Variants in DAB1 observed in about 807,000 individuals in gnomAD.
DAB1 encodes disabled homolog 1.
In DAB1, 15 loss-of-function variants were observed where a neutral mutation model predicts 64.6. The observed-to-expected ratio is 0.23, with a 90% CI of 0.16 to 0.36. DAB1 has a LOEUF of 0.36. DAB1 is among the 10% of genes least tolerant of loss of function. The probability of loss-of-function intolerance (pLI) is 1.00; values close to 1 mark genes in which losing one functional copy is unlikely to be tolerated. For synonymous variants in DAB1, 235 were observed against 251.9 expected (o/e 0.93, Z 0.64); for missense variants, 596 against 706.7 (o/e 0.84, Z 1.78).
At chr1:58,536,711 A>G (rs371362473) in intron 1 of DAB1, 3 of 872,704 alleles carry the variant, frequency 3.4e-6, no homozygotes, top group Non-Finnish European at 6.0e-6. Flanking sequence ...TCTTGTTAGG[A>G]GGAAGTGCCT....
chr1:58,242,421 C>A (rs1660338968), intron 4 of DAB1, among the ~76,000 whole-genome samples: 1 of 151,880 alleles, frequency 6.6e-6, no homozygotes, highest in African/African-American at 2.4e-5. Context: ...AGTAAGCTGC[C>A]TACATAATAA....
At chr1:57,377,246 G>C (rs1680972014) in intron 1 of DAB1, among the ~76,000 whole-genome samples, 1 of 151,176 alleles carries the variant, frequency 6.6e-6, no homozygotes, top group Admixed American at 6.6e-5. Flanking sequence ...CTCTAGCCTG[G>C]GTGACAGAGT....
chr1:57,701,707 TA>T (rs200841369), intron 6 of DAB1, among the ~76,000 whole-genome samples: 2,213 of 150,940 alleles, frequency 0.015, 63 homozygotes, highest in African/African-American at 0.05. Context: ...AATAATAAAA[TA>T]AAAAAAGAAA....
At chr1:58,241,042 T>A (rs538969797) in intron 4 of DAB1, among the ~76,000 whole-genome samples, 16 of 152,222 alleles carry the variant, frequency 1.1e-4, no homozygotes, top group African/African-American at 3.9e-4. Context: ...GAATTTAAAA[T>A]CCATATATCC....
intron 2 of DAB1, among the ~76,000 whole-genome samples, chr1:57,273,596 TTCCTTCCTTCCTTCCTTCCCTCCC>T (rs1293012379): frequency 0.016 from 1,862 of 116,306 alleles, 21 homozygotes; most frequent in African/African-American, 0.03. Context: ...CCTTCCTTCC[TTCCTTCCTTCCTTCCTTCCCTCCC>T]TCCCTCCCTC....
rs1027970211 is a variant in DAB1 at position 57,136,714 on chromosome 1, T to A, written c.208-73A>T. 1.9e-5 allele frequency: 17 copies of A among 903,946 alleles called. No homozygotes were observed. In the African/African-American group the frequency reaches 2.9e-4, roughly 15 times the overall value. 56.0% of individuals were successfully genotyped at this position (903,946 alleles called of 1,614,324 possible). A position where few individuals can be genotyped will look rare whatever the true frequency, so the allele number is the denominator to read the frequency against. ...AATTCTCTCTGGTCCCAAAGGTATG[T>A]CCGATACCATCAACCAATGCCACCA... On this transcript the variant is annotated intron_variant, in intron 3 of 14. Transcript: ENST00000371236.
intron 6 of DAB1, among the ~76,000 whole-genome samples, chr1:57,788,959 T>C (rs1886142): frequency 0.61 from 93,222 of 151,900 alleles, 29,130 homozygotes; most frequent in African/African-American, 0.72. Context: ...TTTGCTGTCA[T>C]CTCCATGACC....
Position 58,221,374 on chromosome 1 carries a change from C to A in DAB1, n.310-70786G>T, listed in dbSNP as rs59776061. Among the ~76,000 whole-genome samples the A allele has an allele frequency of 6.4e-3, 979 of 152,252 alleles. 12 individuals carry two copies. The highest frequency in any genetic ancestry group is 0.023 in the African/African-American group (950 of 41,554). ...TTCAAAGAGCTGTATTGAAAGAAAT[C>A]GAATTTTAAACAGATTCTTGGTATC... On this transcript the variant is annotated intron_variant and non_coding_transcript_variant, in intron 4 of 20. Coordinates refer to the DAB1 transcript ENST00000485760.
intron 3 of DAB1, among the ~76,000 whole-genome samples, chr1:58,501,617 C>T (rs141925305): frequency 2.6e-5 from 4 of 152,306 alleles, no homozygotes; most frequent in Non-Finnish European, 5.9e-5. Flanking sequence ...GGTTCCTTCA[C>T]TTATTTCAAA....
chr1:58,107,707 C>T (rs1297082549), intron 5 of DAB1, among the ~76,000 whole-genome samples: 1 of 151,986 alleles, frequency 6.6e-6, no homozygotes, highest in African/African-American at 2.4e-5. Context: ...ACCTCTGCCT[C>T]CCGGGTTCAA....
At chr1:57,559,662 C>T (rs768701873) in intron 7 of DAB1, among the ~76,000 whole-genome samples, 5 of 152,028 alleles carry the variant, frequency 3.3e-5, no homozygotes, top group South Asian at 4.2e-4. Context: ...AGTGGGTCCC[C>T]GGACTCATCC....
chr1:57,725,366 C>A (rs187899161), intron 6 of DAB1, among the ~76,000 whole-genome samples: 72 of 152,320 alleles, frequency 4.7e-4, no homozygotes, highest in Admixed American at 1.0e-3. Flanking sequence ...CCTCGCTGGG[C>A]CCACCAACCC....
intron 7 of DAB1, among the ~76,000 whole-genome samples, chr1:57,515,853 G>A (rs962799883): frequency 6.6e-6 from 1 of 152,278 alleles, no homozygotes; most frequent in South Asian, 2.1e-4. Flanking sequence ...CTAAAATGAT[G>A]GGCTGGGTTT....
chr1:57,977,162 C>A (rs1645940283), intron 5 of DAB1, among the ~76,000 whole-genome samples: 1 of 152,186 alleles, frequency 6.6e-6, no homozygotes, highest in Non-Finnish European at 1.5e-5. Context: ...CTATCCTATG[C>A]CTCAGCCAAT....
Position 58,140,648 on chromosome 1 carries a change from C to T in DAB1, n.387+9863G>A, listed in dbSNP as rs1163621311. Among the ~76,000 whole-genome samples the T allele has an allele frequency of 3.3e-5, 5 of 152,208 alleles. No individual in the cohort carries two copies. The South Asian group carries it at 6.2e-4, about 19-fold the overall frequency. ...TTTAATGCCTAGCTCCCCCACTGCT[C>T]TATGAGTCCATGAAAGTAGTAGAGA... On this transcript the variant is annotated intron_variant and non_coding_transcript_variant, in intron 5 of 20. Transcript: ENST00000485760.
At chr1:58,475,674 A>C (rs1645412376) in intron 3 of DAB1, among the ~76,000 whole-genome samples, 2 of 152,192 alleles carry the variant, frequency 1.3e-5, no homozygotes, top group South Asian at 4.1e-4. Context: ...ATGTTAGAAT[A>C]TATTAACAAG....
chr1:57,962,269 CGTATCTGCCTG>C (rs1645542471), intron 5 of DAB1, among the ~76,000 whole-genome samples: 1 of 152,056 alleles, frequency 6.6e-6, no homozygotes, highest in African/African-American at 2.4e-5. Context: ...TAAATATCAC[CGTATCTGCCTG>C]GTATATAACT....
intron 5 of DAB1, among the ~76,000 whole-genome samples, chr1:57,961,530 A>G (rs2100273482): frequency 6.6e-6 from 1 of 152,290 alleles, no homozygotes; most frequent in East Asian, 1.9e-4. Context: ...TATTCTCAAG[A>G]GTCACTTCCT....
At chr1:57,068,560 A>G (rs994207824) in intron 8 of DAB1, among the ~76,000 whole-genome samples, 14 of 152,244 alleles carry the variant, frequency 9.2e-5, no homozygotes, top group Non-Finnish European at 1.5e-4. Flanking sequence ...AATACATCAA[A>G]TTTTTTTTCT....
Sources: gnomAD v4.1 joint callset for allele counts (sites outside exome capture counted in the v4.1 genomes callset) on GRCh38, gnomAD v4.1.1 for gene constraint, MANE v1.5 for transcripts, NCBI Gene and HGNC (gene_info 2026-07-23, HGNC 2026-07-21) for gene names.